ZNF536: variants seen among roughly 807,000 people sequenced by gnomAD.
ZNF536 encodes zinc finger protein 536.
Under a neutral mutation model 84.5 loss-of-function variants are expected in ZNF536, and 13 were observed. The ratio of observed to expected loss-of-function variants is 0.15; its 90% CI spans 0.10 to 0.24. The LOEUF (loss-of-function observed/expected upper bound fraction) is 0.24. ZNF536 is among the 10% of genes least tolerant of loss of function. The probability of loss-of-function intolerance (pLI) is 1.00; values close to 1 mark genes in which losing one functional copy is unlikely to be tolerated. For synonymous variants in ZNF536, 811 were observed against 742.5 expected (o/e 1.09, Z -1.50); for missense variants, 1,536 against 1,747.5 (o/e 0.88, Z 2.16).
At chr19:30,545,852 T>C (rs867297550) in intron 3 of ZNF536, among the ~76,000 whole-genome samples, 29 of 152,314 alleles carry the variant, frequency 1.9e-4, no homozygotes, top group South Asian at 4.1e-4. Flanking sequence ...TGAATGCCCG[T>C]GCTTTCTCTA....
intron 3 of ZNF536, among the ~76,000 whole-genome samples, chr19:30,544,294 G>A (rs894976360): frequency 3.9e-5 from 6 of 152,162 alleles, no homozygotes; most frequent in African/African-American, 1.4e-4. Context: ...GGAAGCATGG[G>A]TGGAGAACTT....
At chr19:30,336,511 G>T (rs2047389473) in intron 2 of ZNF536, among the ~76,000 whole-genome samples, 1 of 152,196 alleles carries the variant, frequency 6.6e-6, no homozygotes, top group Admixed American at 6.5e-5. Flanking sequence ...GGTCCCTTCA[G>T]GCTTGGGCTG....
intron 1 of ZNF536, among the ~76,000 whole-genome samples, chr19:30,675,367 A>T (rs1036960618): frequency 1.3e-5 from 2 of 152,152 alleles, no homozygotes; most frequent in Admixed American, 6.5e-5. Context: ...CCGTTGCTCT[A>T]TGGCCAGTGA....
chr19:30,420,590 CT>C (rs1283524411), intron 1 of ZNF536, among the ~76,000 whole-genome samples: 9 of 152,150 alleles, frequency 5.9e-5, no homozygotes, highest in Admixed American at 5.9e-4. Context: ...CAGATAATCT[CT>C]AGCGTCAGAA....
chr19:30,337,975 GATT>G (rs2047434970), intron 2 of ZNF536, among the ~76,000 whole-genome samples: 2 of 151,852 alleles, frequency 1.3e-5, no homozygotes, highest in African/African-American at 2.4e-5. Flanking sequence ...TGATGATTGT[GATT>G]ATGATGATGA....
chr19:30,622,101 G>GAGTT (rs1400350127), intron 1 of ZNF536, among the ~76,000 whole-genome samples: 2 of 152,226 alleles, frequency 1.3e-5, no homozygotes, highest in Non-Finnish European at 2.9e-5. Context: ...GCAAGAGAGA[G>GAGTT]AGTTAGTTAT....
intron 2 of ZNF536, among the ~76,000 whole-genome samples, chr19:30,295,738 T>C (rs1487441500): frequency 1.3e-5 from 2 of 152,002 alleles, no homozygotes; most frequent in East Asian, 1.9e-4. Context: ...TTGAAAAAAA[T>C]GTGGGTAGAA....
chr19:30,325,377 G>A (rs6510115), intron 2 of ZNF536, among the ~76,000 whole-genome samples: 100,265 of 152,102 alleles, frequency 0.66, 33,618 homozygotes, highest in East Asian at 0.79. Flanking sequence ...TGCAACCCAG[G>A]GCTGCAAGTC....
chr19:30,590,221 G>C (rs561182487), intron 1 of ZNF536, among the ~76,000 whole-genome samples: 1 of 152,276 alleles, frequency 6.6e-6, no homozygotes, highest in Admixed American at 6.5e-5. Flanking sequence ...CTTGGTGGGC[G>C]TCCTTCTGGC....
chr19:30,290,506 G>A (rs911038301), intron 2 of ZNF536, among the ~76,000 whole-genome samples: 2 of 151,976 alleles, frequency 1.3e-5, no homozygotes, highest in African/African-American at 4.8e-5. Flanking sequence ...TTCTGGGCTC[G>A]AATCATCTGC....
rs149468302 is a variant in ZNF536, at chr19:30,531,340, C to T, written c.2171-3507C>T. 8.5e-5 allele frequency among the ~76,000 whole-genome samples: 13 copies of T among 152,234 alleles called. No homozygotes were observed. In the South Asian group the frequency reaches 1.9e-3, roughly 22 times the overall value. ...AAAATGTTCCACAGTGCAGGGCGGC[C>T]GTATCGCTATTTTTATCTGTAATGT... On this transcript the variant is annotated intron_variant, in intron 2 of 4. Coordinates refer to ENST00000355537, the MANE Select transcript of ZNF536 (RefSeq NM_014717.3).
chr19:30,371,578 T>C (rs1405084677), upstream of ZNF536, among the ~76,000 whole-genome samples: 1 of 150,924 alleles, frequency 6.6e-6, no homozygotes, highest in African/African-American at 2.4e-5. Context: ...TTTTGTTTTT[T>C]TTTTCTCTCC....
At chr19:30,692,720 G>A (rs2051462974) in intron 1 of ZNF536, among the ~76,000 whole-genome samples, 1 of 152,142 alleles carries the variant, frequency 6.6e-6, no homozygotes, top group Non-Finnish European at 1.5e-5. Flanking sequence ...CTCCTGGCTG[G>A]CTCCTTACAA....
At chr19:30,285,506 A>G (rs2145705443) in intron 2 of ZNF536, among the ~76,000 whole-genome samples, 1 of 152,332 alleles carries the variant, frequency 6.6e-6, no homozygotes, top group African/African-American at 2.4e-5. Flanking sequence ...GGTGTGTTTT[A>G]GATTGAAAGG....
In ZNF536 at chr19:30,410,649, T is replaced by G. The variant is rs539787762; in HGVS notation, c.-2-32912T>G. ...GCCACCACGCCCGGCTAATTTTTTT[T>G]TGTGTTTTTTAGTAGAGACGGGGTT... On this transcript the variant is annotated intron_variant, in intron 1 of 4. Transcript: ENST00000355537. 6.2e-3 allele frequency among the ~76,000 whole-genome samples: 939 copies of G among 152,082 alleles called. 3 individuals are homozygous for G. The highest frequency in any genetic ancestry group is 6.9e-3 in the African/African-American group (287 of 41,424).
intron 2 of ZNF536, among the ~76,000 whole-genome samples, chr19:30,321,499 A>C (rs2046854170): frequency 1.3e-5 from 2 of 152,160 alleles, no homozygotes; most frequent in African/African-American, 4.8e-5. Context: ...TGGAGGTTGC[A>C]GTGGGCCGAG....
intron 2 of ZNF536, among the ~76,000 whole-genome samples, chr19:30,287,182 G>C (rs1027824037): frequency 7.1e-6 from 1 of 141,774 alleles, no homozygotes. Flanking sequence ...TTGGTGACTA[G>C]ATGGATGGAT....
Position 30,686,367 on chromosome 19 carries a change from T to A in ZNF536, c.170-24390T>A, listed in dbSNP as rs2051181443. Among the ~76,000 whole-genome samples, 3 of 152,176 alleles carry A rather than the reference T, an allele frequency of 2.0e-5. No homozygotes were observed. The South Asian group carries it at 6.2e-4, about 32-fold the overall frequency. The stretch of plus-strand genomic sequence containing the variant: ...ATGACTCCCTTAGAAGAGTTAGGAA[T>A]TTTATTACAAACCAGATGGAGCCGC... On this transcript the variant is annotated intron_variant, in intron 1 of 1. Transcript: ENST00000592773.
At chr19:30,347,597 T>C (rs1160164530) in intron 2 of ZNF536, among the ~76,000 whole-genome samples, 1 of 152,302 alleles carries the variant, frequency 6.6e-6, no homozygotes, top group East Asian at 1.9e-4. Flanking sequence ...AGCAGGAGCC[T>C]ACTGGGCTCT....
Sources: allele counts gnomAD v4.1 joint callset (sites outside exome capture counted in the v4.1 genomes callset), GRCh38; gene constraint gnomAD v4.1.1; transcripts MANE v1.5; gene names NCBI Gene and HGNC (gene_info 2026-07-23, HGNC 2026-07-21).